The following CSMD3 variants were observed in gnomAD, a reference collection of about 807,000 sequenced individuals.
CSMD3 encodes the protein CUB and sushi domain-containing protein 3.
A neutral mutation model predicts 435.2 loss-of-function variants in CSMD3; 177 were observed. The observed-to-expected ratio is 0.41, with a 90% confidence interval of 0.36 to 0.46. CSMD3 has a LOEUF of 0.46. CSMD3 is among the 20% of genes least tolerant of loss of function. The probability of loss-of-function intolerance (pLI) is 0.34; values close to 1 mark genes in which losing one functional copy is unlikely to be tolerated. For synonymous variants in CSMD3, 1,656 were observed against 1,520.5 expected, an observed-to-expected ratio of 1.09 and a Z score of -2.07; for missense variants, 4,265 against 4,504.6, an observed-to-expected ratio of 0.95 and a Z score of 1.52.
intron 24 of CSMD3, among the ~76,000 whole-genome samples, chr8:112,566,037 T>TCC (rs1829036530): frequency 1.4e-5 from 2 of 138,418 alleles, no homozygotes; most frequent in Admixed American, 1.5e-4. Context: ...TTTCTCTCTC[T>TCC]CTCTTTTTTT....
chr8:112,760,374 T>C (rs182708697), intron 13 of CSMD3, among the ~76,000 whole-genome samples: 310 of 152,308 alleles, frequency 2.0e-3, no homozygotes, highest in African/African-American at 7.2e-3. Flanking sequence ...TTTCAGTTAT[T>C]TGTTGGGACA....
intron 3 of CSMD3, among the ~76,000 whole-genome samples, chr8:113,215,849 T>A (rs542629101): frequency 6.6e-6 from 1 of 151,898 alleles, no homozygotes; most frequent in African/African-American, 2.4e-5. Context: ...TAAAAAAAAA[T>A]TCACTGTACT....
intron 4 of CSMD3, among the ~76,000 whole-genome samples, chr8:113,155,597 T>C (rs1053580763): frequency 2.0e-5 from 3 of 152,000 alleles, no homozygotes; most frequent in Non-Finnish European, 4.4e-5. Context: ...AAAAGGGGGA[T>C]TGAAGTAGAA....
intron 13 of CSMD3, among the ~76,000 whole-genome samples, chr8:112,700,292 G>A (rs1005939211): frequency 1.3e-5 from 2 of 151,978 alleles, no homozygotes; most frequent in Non-Finnish European, 2.9e-5. Context: ...CCTGAGGTCA[G>A]AAGGTTGAGA....
chr8:112,444,208 T>G (rs1468508376), intron 32 of CSMD3, among the ~76,000 whole-genome samples: 1 of 152,196 alleles, frequency 6.6e-6, no homozygotes, highest in Non-Finnish European at 1.5e-5. Flanking sequence ...TTAAAAAGAC[T>G]GATAATATTA....
chr8:113,413,939 A>C (rs1222932787), intron 1 of CSMD3, among the ~76,000 whole-genome samples: 3 of 152,222 alleles, frequency 2.0e-5, no homozygotes, highest in Non-Finnish European at 4.4e-5. Context: ...AGGAGAATGA[A>C]AATGATTTTT....
intron 24 of CSMD3, among the ~76,000 whole-genome samples, chr8:112,568,261 C>T (rs985809716): frequency 8.6e-5 from 13 of 151,974 alleles, no homozygotes; most frequent in Non-Finnish European, 1.8e-4. Context: ...TTCTTGACAA[C>T]GCTAAAGATG....
intron 32 of CSMD3, among the ~76,000 whole-genome samples, chr8:112,451,455 C>T (rs930979413): frequency 7.3e-5 from 11 of 151,700 alleles, no homozygotes; most frequent in African/African-American, 2.4e-4. Flanking sequence ...GTTTTTTTTA[C>T]ATGTACTTTC....
chr8:112,816,586 A>G lies in CSMD3; in HGVS notation c.1859+13100T>C, dbSNP rs1298828961. ...AGTATAACTCCTTGGATGCAGAAGA[A>G]TTTGTTCAAGGCAAATATCATGTTT... On this transcript the variant is annotated intron_variant, in intron 12 of 70. Coordinates refer to ENST00000297405, the MANE Select transcript of CSMD3 (RefSeq NM_198123.2). Among the ~76,000 whole-genome samples, 6 of 152,216 alleles carry G rather than the reference A, an allele frequency of 3.9e-5. No individual in the cohort carries two copies. The East Asian group carries it at 1.2e-3, about 29-fold the overall frequency.
At chr8:113,229,386 C>T (rs181571578) in intron 3 of CSMD3, among the ~76,000 whole-genome samples, 203 of 151,326 alleles carry the variant, frequency 1.3e-3, no homozygotes, top group Non-Finnish European at 1.9e-3. Flanking sequence ...AGTCACTTTG[C>T]TTAAATAAAC....
chr8:113,015,888 A>C (rs991046295), intron 6 of CSMD3, among the ~76,000 whole-genome samples: 3 of 151,866 alleles, frequency 2.0e-5, no homozygotes, highest in African/African-American at 7.2e-5. Context: ...AAAAATAAGT[A>C]AGAGGACTTC....
chr8:112,282,509 T>C (rs536337423), intron 58 of CSMD3, among the ~76,000 whole-genome samples: 14 of 152,118 alleles, frequency 9.2e-5, no homozygotes, highest in African/African-American at 3.1e-4. Flanking sequence ...AATGTCATCT[T>C]TTAAAATGTC....
At chr8:113,115,825 C>T (rs570802727) in intron 4 of CSMD3, among the ~76,000 whole-genome samples, 1 of 152,254 alleles carries the variant, frequency 6.6e-6, no homozygotes, top group East Asian at 1.9e-4. Context: ...TAAATCTTAT[C>T]TTCTGAGGCA....
intron 32 of CSMD3, among the ~76,000 whole-genome samples, chr8:112,438,158 G>A (rs1219938218): frequency 1.3e-5 from 2 of 152,012 alleles, no homozygotes; most frequent in Non-Finnish European, 1.5e-5. Context: ...AATTTTCATA[G>A]CATTTCAGTG....
At chr8:113,379,154 G>A (rs1396011579) in intron 1 of CSMD3, among the ~76,000 whole-genome samples, 1 of 152,066 alleles carries the variant, frequency 6.6e-6, no homozygotes, top group Admixed American at 6.6e-5. Flanking sequence ...ATATTTTAGT[G>A]TAGTCAAAAG....
intron 4 of CSMD3, among the ~76,000 whole-genome samples, chr8:113,171,403 A>C (rs978881583): frequency 4.6e-5 from 7 of 152,146 alleles, no homozygotes; most frequent in African/African-American, 1.7e-4. Flanking sequence ...GAGATGAAGG[A>C]ACCTAACAAC....
chr8:112,588,217 T>G (rs561263318), intron 22 of CSMD3, among the ~76,000 whole-genome samples: 1 of 151,742 alleles, frequency 6.6e-6, no homozygotes, highest in Non-Finnish European at 1.5e-5. Flanking sequence ...AATAAGATTT[T>G]AAAAATAATG....
intron 3 of CSMD3, among the ~76,000 whole-genome samples, chr8:113,256,074 A>G (rs1426078755): frequency 6.6e-6 from 1 of 152,086 alleles, no homozygotes; most frequent in Non-Finnish European, 1.5e-5. Context: ...CTACATGAGG[A>G]TCCTACATGC....
At chr8:112,851,394 CT>C (rs758426473) in intron 11 of CSMD3, among the ~76,000 whole-genome samples, 1 of 152,220 alleles carries the variant, frequency 6.6e-6, no homozygotes, top group East Asian at 1.9e-4. Flanking sequence ...ATTCTTCCCC[CT>C]GATAATCTAC....
Sources: gnomAD v4.1 joint callset for allele counts (sites outside exome capture counted in the v4.1 genomes callset) on GRCh38, gnomAD v4.1.1 for gene constraint, MANE v1.5 for transcripts, NCBI Gene and HGNC (gene_info 2026-07-23, HGNC 2026-07-21) for gene names.